THADA: variants seen among roughly 807,000 people sequenced by gnomAD.
The protein encoded by THADA is tRNA (32-2'-O)-methyltransferase regulator THADA.
In THADA, 213 loss-of-function variants were observed where a neutral mutation model predicts 219.8. The observed-to-expected ratio is 0.97, with a 90% CI of 0.87 to 1.09. The LOEUF (loss-of-function observed/expected upper bound fraction) is 1.09. THADA is among the 50% of genes least tolerant of loss of function. The pLI is 0.00. For synonymous variants in THADA, 1,018 were observed against 828.9 expected (o/e 1.23, Z -3.92); for missense variants, 2,956 against 2,311.3 (o/e 1.28, Z -5.72).
intron 31 of THADA, among the ~76,000 whole-genome samples, chr2:43,315,499 G>A (rs1401390066): frequency 6.6e-6 from 1 of 150,538 alleles, no homozygotes; most frequent in African/African-American, 2.4e-5. Context: ...ATCTTGCTCT[G>A]TCACCCAGGT....
At chr2:43,420,126 C>G (rs530919995) in intron 28 of THADA, among the ~76,000 whole-genome samples, 1 of 152,238 alleles carries the variant, frequency 6.6e-6, no homozygotes, top group South Asian at 2.1e-4. Flanking sequence ...TCTAAAAGTC[C>G]CTGAGATGGC....
At chr2:43,246,590 C>G (rs539398799) in intron 36 of THADA, among the ~76,000 whole-genome samples, 1 of 152,186 alleles carries the variant, frequency 6.6e-6, no homozygotes, top group South Asian at 2.1e-4. Flanking sequence ...CTTTACAGCT[C>G]TAAATAGAAC....
In THADA at chr2:43,261,216, C is replaced by CTTTTTTTTT. The variant is rs1181680289; in HGVS notation, c.5296+18540_5296+18548dup. ...TTGCCTGAAATAAATTTGTGCATTT[C>CTTTTTTTTT]TTTTTTTTTTTTTTTTTTTTTTTTT... On this transcript the variant is annotated intron_variant, in intron 36 of 37. Transcript: ENST00000405975. Among the ~76,000 whole-genome samples, 15 of 77,168 alleles carry CTTTTTTTTT rather than the reference C, an allele frequency of 1.9e-4. 1 individual carries two copies. The highest frequency in any genetic ancestry group is 5.3e-4 in the African/African-American group (10 of 18,834). The allele number at this position is 77,168 out of a possible 152,430, so 50.6% of individuals were successfully genotyped here.
In THADA at chr2:43,292,902, G is replaced by A; in HGVS notation, c.4750C>T (p.Leu1584=). The change falls in exon 32 of 38, where the codon CTG becomes TTG. Residue 1584 remains leucine, a synonymous_variant. Coordinates refer to ENST00000405975, the MANE Select transcript of THADA (RefSeq NM_022065.5). The part of the protein sequence containing the change: ...GLGEKGVPPL[L]CNMGEKFLLL... Reference sequence around the variant, plus strand: ...AAGAACTTCTCTCCCATGTTGCACAGCAAGGGTGGCACGCCCTTCTCTCCA... The same window carrying A: ...AAGAACTTCTCTCCCATGTTGCACAACAAGGGTGGCACGCCCTTCTCTCCA... 1.2e-6 allele frequency: 2 copies of A among 1,613,980 alleles called. No homozygotes were observed. Among genetic ancestry groups the A allele is most frequent in the Non-Finnish European group, 1.7e-6 (2 of 1,179,896 alleles).
At chr2:43,291,476 A>AAAAAAAAAAAAAAAAAAAAAAC in intron 34 of THADA, among the ~76,000 whole-genome samples, 1 of 149,018 alleles carries the variant, frequency 6.7e-6, no homozygotes, top group Non-Finnish European at 1.5e-5. Context: ...AAAAAAAAAA[A>AAAAAAAAAAAAAAAAAAAAAAC]AAAAAATCCT....
intron 30 of THADA, among the ~76,000 whole-genome samples, chr2:43,323,754 C>A (rs974485783): frequency 1.3e-5 from 2 of 152,190 alleles, no homozygotes; most frequent in Admixed American, 1.3e-4. Context: ...AACCAACCCA[C>A]CAACCCACCA....
At chr2:43,318,919 T>C (rs937261564) in intron 31 of THADA, among the ~76,000 whole-genome samples, 1 of 152,196 alleles carries the variant, frequency 6.6e-6, no homozygotes. Flanking sequence ...TTAACCATTC[T>C]AGACAAAGAA....
At chr2:43,287,185 GT>G in intron 34 of THADA, 124 bp from the exon 35 acceptor site, 3 of 819,338 alleles carry the variant, frequency 3.7e-6, no homozygotes, top group Non-Finnish European at 5.5e-6. Context: ...GAAGAAAGTT[GT>G]TTTTTAGTTG....
rs535025800 is a variant in THADA, at chr2:43,556,500, G to C, written c.2519C>G (p.Thr840Ser). The C allele has an allele frequency of 5.8e-5, 93 of 1,613,854 alleles. No individual in the cohort carries two copies. The East Asian group carries it at 1.5e-3, about 27-fold the overall frequency. The stretch of plus-strand genomic sequence containing the variant: ...AGCTGTCACACAGTCGTATGGTTTG[G>C]TGCTTGTGCTGAGCTCCAATGCTGC... ...FQAALELSTS[T>S]KPYDCVTASY... The change falls in exon 17 of 38, where the codon ACC (threonine) becomes AGC (serine). Residue 840 changes from threonine (T) to serine (S), a missense_variant. Transcript: ENST00000405975.
intron 29 of THADA, among the ~76,000 whole-genome samples, chr2:43,349,930 T>A (rs1398754028): frequency 6.6e-6 from 1 of 152,226 alleles, no homozygotes; most frequent in Non-Finnish European, 1.5e-5. Flanking sequence ...TTGCCTAGTT[T>A]TCTCCCTGCA....
At chr2:43,314,644 C>T (rs1677870160) in intron 31 of THADA, among the ~76,000 whole-genome samples, 1 of 152,172 alleles carries the variant, frequency 6.6e-6, no homozygotes, top group Non-Finnish European at 1.5e-5. Flanking sequence ...CTCTCGTCTC[C>T]ATGTCGCTGC....
intron 36 of THADA, among the ~76,000 whole-genome samples, chr2:43,238,695 T>A (rs760012474): frequency 2.0e-5 from 3 of 152,172 alleles, no homozygotes; most frequent in Non-Finnish European, 4.4e-5. Flanking sequence ...AGAGCCAAGA[T>A]GTGGAAATAA....
chr2:43,391,338 A>C (rs1673359384), intron 29 of THADA, among the ~76,000 whole-genome samples: 1 of 152,218 alleles, frequency 6.6e-6, no homozygotes, highest in Admixed American at 6.5e-5. Flanking sequence ...GAGCACTTCA[A>C]AACAGCAGTA....
At chr2:43,486,295 T>A (rs1277634228) in intron 25 of THADA, 1 of 152,196 alleles carries the variant, frequency 6.6e-6, no homozygotes, top group African/African-American at 2.4e-5. Flanking sequence ...TTCTCCAAGA[T>A]GATAATAATC....
intron 30 of THADA, among the ~76,000 whole-genome samples, chr2:43,326,220 C>A (rs1216828600): frequency 6.7e-6 from 1 of 148,484 alleles, no homozygotes; most frequent in African/African-American, 2.5e-5. Flanking sequence ...GGAAAACACA[C>A]AACCAGTCAT....
At chr2:43,340,036 C>A (rs1346987110) in intron 30 of THADA, among the ~76,000 whole-genome samples, 1 of 152,202 alleles carries the variant, frequency 6.6e-6, no homozygotes. Flanking sequence ...CACTGCCATC[C>A]TTTCCAGGAC....
At position 43,292,916 on chromosome 2, in the gene THADA, C is replaced by T. The variant is rs747285389; in HGVS notation, c.4736G>A (p.Gly1579Asp). The T allele has an allele frequency of 1.9e-6, 3 of 1,614,044 alleles. No homozygotes were observed. The highest frequency in any genetic ancestry group is 2.5e-6 in the Non-Finnish European group (3 of 1,179,896). ...LAAASGLGEK[G>D]VPPLLCNMGE... ...CATGTTGCACAGCAAGGGTGGCACG[C>T]CCTTCTCTCCAAGTCCAGAGGCTGC... Residue 1579 changes from glycine (G) to aspartate (D), a missense_variant, in exon 32 of 38, where the codon GGC becomes GAC. Coordinates refer to ENST00000405975, the MANE Select transcript of THADA (RefSeq NM_022065.5).
rs553471849 is a variant in THADA at position 43,392,715 on chromosome 2, C to T, written c.4227+5256G>A. ...ACTCAAGCAGAAATGGCCTCAGTTT[C>T]AGTCTCCTTTTATGCCTGATGCCCT... On this transcript the variant is annotated intron_variant, in intron 29 of 37. Coordinates refer to ENST00000405975, the MANE Select transcript of THADA (RefSeq NM_022065.5). Among the ~76,000 whole-genome samples, 5 of 152,156 alleles carry T rather than the reference C, an allele frequency of 3.3e-5. No individual in the cohort carries two copies. In the South Asian group the frequency reaches 1.0e-3, roughly 32 times the overall value.
intron 28 of THADA, among the ~76,000 whole-genome samples, chr2:43,414,500 C>A (rs1182201472): frequency 1.3e-5 from 2 of 152,124 alleles, no homozygotes; most frequent in Non-Finnish European, 2.9e-5. Flanking sequence ...GAATGAACCA[C>A]CAAAATGAAG....
Sources: allele counts gnomAD v4.1 joint callset (sites outside exome capture counted in the v4.1 genomes callset), GRCh38; gene constraint gnomAD v4.1.1; transcripts MANE v1.5; gene names NCBI Gene and HGNC (gene_info 2026-07-23, HGNC 2026-07-21).